The following CELA2A variants were observed in gnomAD, a reference collection of about 807,000 sequenced individuals.
CELA2A encodes the protein chymotrypsin-like elastase family member 2A.
CELA2A carries 31 observed loss-of-function variants against 35.3 expected under a neutral mutation model. The ratio of observed to expected loss-of-function variants is 0.88; its 90% confidence interval spans 0.66 to 1.19. The LOEUF (loss-of-function observed/expected upper bound fraction) is 1.19, where lower values mean the gene tolerates loss of function less well. Among genes scored for constraint, CELA2A ranks in the 50% most tolerant of loss-of-function variants. The probability of loss-of-function intolerance (pLI) is 0.00; values close to 1 mark genes in which losing one functional copy is unlikely to be tolerated. For synonymous variants in CELA2A, 150 were observed against 149.8 expected (o/e 1.00, Z -0.01); for missense variants, 330 against 352.9 (o/e 0.94, Z 0.52).
chr1:15,471,267 C>T (rs1424766141), intron 7 of CELA2A, among the ~76,000 whole-genome samples: 2 of 152,172 alleles, frequency 1.3e-5, no homozygotes, highest in Non-Finnish European at 2.9e-5. Context: ...GTTTAACAGG[C>T]TGGGCGCGGT....
chr1:15,467,873 G>C (rs369324526), intron 7 of CELA2A, among the ~76,000 whole-genome samples: 1 of 152,034 alleles, frequency 6.6e-6, no homozygotes, highest in Admixed American at 6.6e-5. Context: ...CAGATCACGA[G>C]GTCAGAAGTT....
At chr1:15,461,133 G>A (rs1708427833) in intron 2 of CELA2A, among the ~76,000 whole-genome samples, 1 of 152,098 alleles carries the variant, frequency 6.6e-6, no homozygotes, top group African/African-American at 2.4e-5. Flanking sequence ...CAGCATGGAG[G>A]TGACCACCCT....
chr1:15,463,324 CA>C, intron 4 of CELA2A, 61 bp from the exon 5 acceptor site: 1 of 1,608,700 alleles, frequency 6.2e-7, no homozygotes, highest in Non-Finnish European at 8.5e-7. Flanking sequence ...CCAAGCCCTC[CA>C]AAGCCCACAG....
intron 2 of CELA2A, among the ~76,000 whole-genome samples, chr1:15,460,107 T>A (rs1300134172): frequency 1.3e-5 from 2 of 152,194 alleles, no homozygotes; most frequent in African/African-American, 4.8e-5. Context: ...CAGTGGCTTA[T>A]GTTCCCCATT....
In CELA2A at chr1:15,466,080, G is replaced by T; in HGVS notation, c.575G>T (p.Trp192Leu). 1 of 1,614,104 alleles carries T rather than the reference G, an allele frequency of 6.2e-7. No individual in the cohort carries two copies. The highest frequency in any genetic ancestry group is 8.5e-7 in the Non-Finnish European group (1 of 1,180,030). ...DYATCSSSAW[W>L]GSSVKTSMIC... ...GCCACCTGCTCCAGCTCTGCCTGGTGGGGCAGCAGCGTGAAAACCAGTATG... is the reference window on the plus strand; with the variant it reads ...GCCACCTGCTCCAGCTCTGCCTGGTTGGGCAGCAGCGTGAAAACCAGTATG... The change falls in exon 6 of 8, where the codon TGG becomes TTG. Residue 192 changes from tryptophan (W) to leucine (L), a missense_variant. By Grantham distance (61) the Trp-to-Leu change is moderately conservative. Transcript: ENST00000359621.
intron 7 of CELA2A, among the ~76,000 whole-genome samples, chr1:15,470,683 C>T (rs1413370218): frequency 1.4e-4 from 21 of 152,108 alleles, no homozygotes; most frequent in Admixed American, 1.2e-3. Context: ...CGGGTTCAAG[C>T]GATTCTTCTG....
intron 2 of CELA2A, 134 bp from the exon 3 acceptor site, chr1:15,461,427 G>C (rs1708431997): frequency 1.2e-6 from 1 of 837,514 alleles, no homozygotes; most frequent in Non-Finnish European, 1.9e-6. Flanking sequence ...TTTGGGTGCT[G>C]CCTTAAGTTG....
intron 5 of CELA2A, among the ~76,000 whole-genome samples, chr1:15,464,352 C>T (rs574982779): frequency 3.9e-5 from 6 of 152,194 alleles, no homozygotes; most frequent in Admixed American, 3.3e-4. Context: ...TGAATGAGGG[C>T]GGGTCTCCTT....
chr1:15,461,695 A>T, intron 3 of CELA2A, 37 bp downstream of exon 3: 1 of 1,613,020 alleles, frequency 6.2e-7, no homozygotes, highest in Admixed American at 1.7e-5. Context: ...CCTGCTCACC[A>T]GCTGGTGCTC....
intron 6 of CELA2A, 52 bp downstream of exon 6, chr1:15,466,196 A>T (rs1217687954): frequency 1.3e-6 from 2 of 1,595,400 alleles, no homozygotes; most frequent in Non-Finnish European, 1.7e-6. Context: ...GGCTGGGGAT[A>T]AGGCTATAGA....
At chr1:15,465,978 C>T in intron 5 of CELA2A, 21 bp from the exon 6 acceptor site, 1 of 1,613,810 alleles carries the variant, frequency 6.2e-7, no homozygotes, top group Non-Finnish European at 8.5e-7. Flanking sequence ...TCCCTAATGG[C>T]TTCTCTCTGA....
intron 7 of CELA2A, among the ~76,000 whole-genome samples, chr1:15,469,068 C>T (rs1045562889): frequency 6.6e-5 from 10 of 152,232 alleles, no homozygotes; most frequent in Non-Finnish European, 1.2e-4. Context: ...ATCCCAGCTA[C>T]TCAGGAGGCT....
chr1:15,470,825 C>A (rs1040269422), intron 7 of CELA2A, among the ~76,000 whole-genome samples: 20 of 152,236 alleles, frequency 1.3e-4, no homozygotes, highest in Non-Finnish European at 2.9e-4. Context: ...AGGTGATCTG[C>A]CCGCCTTGGC....
Position 15,467,535 on chromosome 1 carries a change from T to G in CELA2A, c.789T>G (p.Asn263Lys), listed in dbSNP as rs1708537066. 1 of 1,614,124 alleles carries G rather than the reference T, an allele frequency of 6.2e-7. No homozygotes were observed. Among genetic ancestry groups the G allele is most frequent in the African/African-American group, 1.3e-5 (1 of 75,058 alleles). ...TCTCCAATTACATCGACTGGATCAA[T>G]TCGGTAAGAACCGGACCAGCCCTGA... is the stretch of plus-strand genomic sequence containing the variant. ...TRVSNYIDWI[N>K]SVIANN The change falls in exon 7 of 8, where the codon AAT becomes AAG. Residue 263 changes from asparagine (N) to lysine (K), a missense_variant. By Grantham distance (94) the Asn-to-Lys change is moderately conservative. Coordinates refer to ENST00000359621, the MANE Select transcript of CELA2A (RefSeq NM_033440.3).
rs1258911800 is a variant in CELA2A at position 15,460,666 on chromosome 1, T to A, written c.130-895T>A. Among the ~76,000 whole-genome samples the A allele has an allele frequency of 4.2e-5, 6 of 141,744 alleles. 1 individual carries two copies. Among genetic ancestry groups the A allele is most frequent in the Non-Finnish European group, 9.4e-5 (6 of 63,946 alleles). 93.0% of individuals were successfully genotyped at this position (141,744 alleles called of 152,430 possible). On this transcript the variant is annotated intron_variant, in intron 2 of 7. Transcript: ENST00000359621. ...CCTTAAAGTTCTTTTTTTTTTTTTT[T>A]AAAGACCTGGTCTCACTCTGTTAAT...
chr1:15,462,930 A>C (rs1453498952), intron 4 of CELA2A, 69 bp downstream of exon 4: 8 of 1,606,608 alleles, frequency 5.0e-6, no homozygotes, highest in African/African-American at 1.3e-5. Flanking sequence ...CACAGAGGCA[A>C]GGGTCTCAAC....
intron 7 of CELA2A, among the ~76,000 whole-genome samples, chr1:15,469,189 A>T (rs1339719003): frequency 1.3e-5 from 2 of 152,194 alleles, no homozygotes; most frequent in African/African-American, 2.4e-5. Flanking sequence ...AAAGAAAAAA[A>T]AACACACAAA....
chr1:15,471,143 G>C (rs1166218083), intron 7 of CELA2A, among the ~76,000 whole-genome samples: 1 of 152,088 alleles, frequency 6.6e-6, no homozygotes, highest in African/African-American at 2.4e-5. Context: ...CTCTTACATT[G>C]TGCAATGAAC....
chr1:15,462,950 C>G, intron 4 of CELA2A, 89 bp downstream of exon 4: 1 of 1,556,292 alleles, frequency 6.4e-7, no homozygotes, highest in East Asian at 2.2e-5. Context: ...CCACACCACA[C>G]CCCCTCTGCT....
Sources: gnomAD v4.1 joint callset for allele counts (sites outside exome capture counted in the v4.1 genomes callset) on GRCh38, gnomAD v4.1.1 for gene constraint, MANE v1.5 for transcripts, NCBI Gene and HGNC (gene_info 2026-07-23, HGNC 2026-07-21) for gene names.